JHY: variants seen among roughly 807,000 people sequenced by gnomAD.
JHY encodes the protein jhy protein homolog.
Under a neutral mutation model 78.0 loss-of-function variants are expected in JHY, and 69 were observed. That is an observed-to-expected ratio of 0.88 (90% CI 0.73 to 1.08). JHY has a LOEUF of 1.08. Ranked by LOEUF, JHY falls within the 50% of genes least tolerant of loss-of-function variation. The probability of loss-of-function intolerance (pLI) is 0.00; values close to 1 mark genes in which losing one functional copy is unlikely to be tolerated. For missense variants in JHY, 944 were observed against 927.8 expected, an observed-to-expected ratio of 1.02 and a Z score of -0.23; for synonymous variants, 368 against 342.6, an observed-to-expected ratio of 1.07 and a Z score of -0.82.
At chr11:122,946,393 G>C (rs1028295323) in intron 5 of JHY, 105 bp from the exon 6 acceptor site, 25 of 1,199,268 alleles carry the variant, frequency 2.1e-5, no homozygotes, top group Non-Finnish European at 2.5e-5. Flanking sequence ...TTTGATTTGA[G>C]AGTGATAAAT....
chr11:122,930,557 A>T (rs559556064), intron 4 of JHY, among the ~76,000 whole-genome samples: 24 of 152,358 alleles, frequency 1.6e-4, no homozygotes, highest in Admixed American at 1.2e-3. Flanking sequence ...TACTTTAAAA[A>T]TACTGAGAAT....
Position 122,946,599 on chromosome 11 carries a change from C to T in JHY, c.1736C>T (p.Thr579Ile), listed in dbSNP as rs1863966595. Residue 579 changes from threonine (T) to isoleucine (I), a missense_variant, in exon 6 of 9, where the codon ACC (threonine) becomes ATC (isoleucine). Physicochemically the swap from Thr to Ile is moderately conservative, Grantham distance 89. Transcript: ENST00000227349. ...EQHQQALVQLTDVQPSEGALS... is the reference protein window; with the variant it reads ...EQHQQALVQLIDVQPSEGALS... Reference sequence around the variant, plus strand: ...CATCAGCAAGCCTTGGTGCAGCTGACCGACGTGCAGCCCAGTGAAGGGGCC... The same window carrying T: ...CATCAGCAAGCCTTGGTGCAGCTGATCGACGTGCAGCCCAGTGAAGGGGCC... 1.2e-6 allele frequency: 2 copies of T among 1,613,900 alleles called. No individual in the cohort carries two copies. The highest frequency in any genetic ancestry group is 8.5e-7 in the Non-Finnish European group (1 of 1,180,014).
In JHY at chr11:122,934,707, T is replaced by G; in HGVS notation, c.1266T>G (p.Asn422Lys). The G allele has an allele frequency of 1.2e-6, 2 of 1,614,068 alleles. No individual in the cohort carries two copies. Among genetic ancestry groups the G allele is most frequent in the Non-Finnish European group, 1.7e-6 (2 of 1,180,022 alleles). Residue 422 changes from asparagine (N) to lysine (K), a missense_variant, in exon 5 of 9, where the codon AAT (asparagine) becomes AAG (lysine). Asn to Lys is a moderately conservative substitution (Grantham distance 94). Coordinates refer to ENST00000227349, the MANE Select transcript of JHY (RefSeq NM_024806.4). ...ESIVIMHASNNDVQASRALRS... is the reference protein window; with the variant it reads ...ESIVIMHASNKDVQASRALRS... Reference sequence around the variant, plus strand: ...TTGTGATTATGCATGCCTCTAACAATGATGTACAAGCCTCAAGGGCACTTA... The same window carrying G: ...TTGTGATTATGCATGCCTCTAACAAGGATGTACAAGCCTCAAGGGCACTTA...
chr11:122,908,649 G>A (rs1477880169), intron 3 of JHY, among the ~76,000 whole-genome samples: 1 of 152,158 alleles, frequency 6.6e-6, no homozygotes, highest in Non-Finnish European at 1.5e-5. Context: ...TTGATTTGTG[G>A]GTAGGAGGCG....
chr11:122,935,327 C>G lies in JHY; in HGVS notation c.1634+252C>G, dbSNP rs1185812242. Among the ~76,000 whole-genome samples the G allele has an allele frequency of 6.6e-6, 1 of 151,840 alleles. No homozygotes were observed. The highest frequency in any genetic ancestry group is 2.1e-4 in the South Asian group (1 of 4,796). On this transcript the variant is annotated intron_variant, in intron 5 of 8. Transcript: ENST00000227349. The surrounding 1 kb of genome is among the most constrained non-coding windows in gnomAD (Gnocchi z 4.5). ...TTGGCTCATTGCAACCTCCGCCTCC[C>G]GAGCTCAAGCAATTCTCCTGGCCCA...
Position 122,904,300 on chromosome 11 carries a change from G to T in JHY, c.720G>T (p.Leu240=). ...KSSSSHNEVF[L]PGSRGPRRRK... is the part of the protein sequence containing the mutation. The stretch of plus-strand genomic sequence containing the variant: ...CAAGTTCACATAACGAGGTTTTCCT[G>T]CCGGGATCACGTGGCCCTCGGCGAA... The change falls in exon 3 of 9, where the codon CTG becomes CTT. Residue 240 remains leucine (L), a synonymous_variant. Transcript: ENST00000227349. The T allele has an allele frequency of 6.2e-7, 1 of 1,614,126 alleles. No homozygotes were observed. Among genetic ancestry groups the T allele is most frequent in the Non-Finnish European group, 8.5e-7 (1 of 1,180,028 alleles).
intron 3 of JHY, among the ~76,000 whole-genome samples, chr11:122,912,625 C>T (rs1053630953): frequency 3.9e-5 from 6 of 151,990 alleles, no homozygotes; most frequent in African/African-American, 1.4e-4. Flanking sequence ...GCCTGTAGTC[C>T]CAGCTACTCC....
rs1864303760 is a variant in JHY, at chr11:122,961,093, A to G, written c.*1648A>G. On this transcript the variant is annotated 3_prime_UTR_variant, in exon 9 of 9. Coordinates refer to ENST00000227349, the MANE Select transcript of JHY (RefSeq NM_024806.4). ...CATGCACAGCCAGTTATGTAAATGT[A>G]TCTATCCCAATTGAGAGAGCCAGAA... 4 of 1,014,520 alleles carry G rather than the reference A, an allele frequency of 3.9e-6. No individual in the cohort carries two copies. The highest frequency in any genetic ancestry group is 6.1e-6 in the Non-Finnish European group (4 of 656,310). 62.8% of individuals were successfully genotyped at this position (1,014,520 alleles called of 1,614,324 possible).
Position 122,959,984 on chromosome 11 carries a change from A to T in JHY, c.*539A>T, listed in dbSNP as rs745319288. Among the ~76,000 whole-genome samples the T allele has an allele frequency of 2.7e-4, 41 of 152,338 alleles. No homozygotes were observed. Among genetic ancestry groups the T allele is most frequent in the South Asian group, 1.4e-3 (7 of 4,830 alleles). ...CACAGTGGCTCACGCCTGTAATCCC[A>T]GCACTTTGGGAAGCTGAGGCAGTTG... On this transcript the variant is annotated 3_prime_UTR_variant, in exon 9 of 9. Transcript: ENST00000227349.
intron 4 of JHY, among the ~76,000 whole-genome samples, chr11:122,926,187 C>CAAAAAAAAAAAAA (rs574945272): frequency 7.5e-5 from 3 of 39,910 alleles, no homozygotes; most frequent in Admixed American, 3.0e-4. Flanking sequence ...GACTCCATCT[C>CAAAAAAAAAAAAA]AAAAAAAAAA....
At chr11:122,952,149 G>A (rs1340516881) in intron 6 of JHY, among the ~76,000 whole-genome samples, 1 of 152,094 alleles carries the variant, frequency 6.6e-6, no homozygotes, top group African/African-American at 2.4e-5. Context: ...TGGAGGCGGA[G>A]GGGGCAAAGG....
intron 5 of JHY, among the ~76,000 whole-genome samples, chr11:122,936,031 G>C (rs1455552744): frequency 6.6e-6 from 1 of 152,168 alleles, no homozygotes; most frequent in African/African-American, 2.4e-5. Flanking sequence ...TCTAGCAAGA[G>C]GGATTGGGAT....
Position 122,910,949 on chromosome 11 carries a change from A to G in JHY, c.864+6505A>G, listed in dbSNP as rs143086613. ...AATCACATGATGTGTGAAGCGAGGAACCGATGTAAAAACCAACACACACTA... is the reference window on the plus strand; with the variant it reads ...AATCACATGATGTGTGAAGCGAGGAGCCGATGTAAAAACCAACACACACTA... On this transcript the variant is annotated intron_variant, in intron 3 of 8. Coordinates refer to ENST00000227349, the MANE Select transcript of JHY (RefSeq NM_024806.4). 2.6e-5 allele frequency among the ~76,000 whole-genome samples: 4 copies of G among 152,324 alleles called. No individual in the cohort carries two copies. In the East Asian group the frequency reaches 7.7e-4, roughly 29 times the overall value.
In JHY at chr11:122,963,755, G is replaced by C. The variant is rs1471237445; in HGVS notation, c.*4310G>C. Among the ~76,000 whole-genome samples, 4 of 152,148 alleles carry C rather than the reference G, an allele frequency of 2.6e-5. No individual in the cohort carries two copies. Among genetic ancestry groups the C allele is most frequent in the Admixed American group, 2.0e-4 (3 of 15,276 alleles). ...AAACTTCAAACTTAAGTGATGTAAT[G>C]ATGGAGCACCTGTATTTGACTAGAT... is the stretch of plus-strand genomic sequence containing the variant. On this transcript the variant is annotated 3_prime_UTR_variant, in exon 9 of 9. Transcript: ENST00000227349.
chr11:122,933,965 GACTTA>G (rs1185252267), intron 4 of JHY, among the ~76,000 whole-genome samples: 1 of 152,078 alleles, frequency 6.6e-6, no homozygotes, highest in Non-Finnish European at 1.5e-5. Context: ...TTAAGTCAAA[GACTTA>G]ACTTTTAAAA....
At chr11:122,936,475 A>G (rs1237422172) in intron 5 of JHY, among the ~76,000 whole-genome samples, 1 of 151,492 alleles carries the variant, frequency 6.6e-6, no homozygotes, top group Non-Finnish European at 1.5e-5. Context: ...CACTTTTACC[A>G]TTAAAAATAA....
intron 3 of JHY, among the ~76,000 whole-genome samples, chr11:122,916,428 T>G (rs1863235743): frequency 6.6e-6 from 1 of 151,916 alleles, no homozygotes; most frequent in Non-Finnish European, 1.5e-5. Flanking sequence ...AATTCACCAG[T>G]TTTTTTACCA....
chr11:122,925,802 G>A (rs991813744), intron 4 of JHY, among the ~76,000 whole-genome samples: 16 of 152,220 alleles, frequency 1.1e-4, no homozygotes, highest in African/African-American at 3.9e-4. Flanking sequence ...TGAATCACAA[G>A]GTCAGGAGTT....
intron 6 of JHY, among the ~76,000 whole-genome samples, chr11:122,950,140 G>A (rs555554686): frequency 2.6e-5 from 4 of 152,034 alleles, no homozygotes; most frequent in Admixed American, 6.6e-5. Context: ...AGCTACAAAC[G>A]TGTTTTTTTA....
Sources: gnomAD v4.1 joint callset for allele counts (sites outside exome capture counted in the v4.1 genomes callset) on GRCh38, gnomAD v4.1.1 for gene constraint, Gnocchi (gnomAD v3.1) non-coding constraint, MANE v1.5 for transcripts, NCBI Gene and HGNC (gene_info 2026-07-23, HGNC 2026-07-21) for gene names.